The following PARD3B variants were observed in gnomAD, a reference collection of about 807,000 sequenced individuals.
The protein encoded by PARD3B is partitioning defective 3 homolog B.
Under a neutral mutation model 130.2 loss-of-function variants are expected in PARD3B, and 103 were observed. The ratio of observed to expected loss-of-function variants is 0.79; its 90% CI spans 0.67 to 0.93. PARD3B has a LOEUF of 0.93. Among genes scored for constraint, PARD3B ranks in the 40% least tolerant of loss-of-function variants. The probability of loss-of-function intolerance (pLI) is 0.00; values close to 1 mark genes in which losing one functional copy is unlikely to be tolerated. For synonymous variants in PARD3B, 583 were observed against 553.2 expected (o/e 1.05, Z -0.76); for missense variants, 1,609 against 1,499.2 (o/e 1.07, Z -1.21).
chr2:205,435,416 G>A (rs189466950), intron 19 of PARD3B, among the ~76,000 whole-genome samples: 192 of 151,700 alleles, frequency 1.3e-3, no homozygotes, highest in Non-Finnish European at 2.2e-3. Context: ...TGATACCTGG[G>A]ATCCTTTAAT....
At chr2:204,608,947 G>C (rs988689890) in intron 1 of PARD3B, among the ~76,000 whole-genome samples, 19 of 152,130 alleles carry the variant, frequency 1.2e-4, no homozygotes, top group African/African-American at 4.3e-4. Flanking sequence ...TCTCCCTGTA[G>C]CATAAATAAT....
intron 21 of PARD3B, among the ~76,000 whole-genome samples, chr2:205,522,139 CTTCA>C (rs1266241230): frequency 6.7e-6 from 1 of 148,354 alleles, no homozygotes; most frequent in East Asian, 2.0e-4. Context: ...TTTATTTTTA[CTTCA>C]TTATTTTTAC....
chr2:205,133,735 T>C (rs1445669592), intron 10 of PARD3B, among the ~76,000 whole-genome samples: 1 of 152,218 alleles, frequency 6.6e-6, no homozygotes, highest in African/African-American at 2.4e-5. Flanking sequence ...GGGCCAGTGC[T>C]GAGTGCAATG....
chr2:204,726,520 C>T (rs1270818885), intron 2 of PARD3B, among the ~76,000 whole-genome samples: 1 of 152,126 alleles, frequency 6.6e-6, no homozygotes, highest in Non-Finnish European at 1.5e-5. Flanking sequence ...GATTCTGAAA[C>T]CTCAAAGCCC....
At chr2:204,746,115 A>T (rs2040214959) in intron 2 of PARD3B, among the ~76,000 whole-genome samples, 2 of 137,502 alleles carry the variant, frequency 1.5e-5, no homozygotes, top group African/African-American at 5.4e-5. Flanking sequence ...ATATCTCCTA[A>T]TGCTATCCCT....
At chr2:204,573,738 G>C (rs2032119092) in intron 1 of PARD3B, among the ~76,000 whole-genome samples, 1 of 152,088 alleles carries the variant, frequency 6.6e-6, no homozygotes, top group Admixed American at 6.5e-5. Flanking sequence ...TTGTCCTTCT[G>C]CCTTGCTCTT....
chr2:205,163,413 G>A (rs2034621336), intron 11 of PARD3B, among the ~76,000 whole-genome samples: 1 of 152,178 alleles, frequency 6.6e-6, no homozygotes. Flanking sequence ...ATGGCTAATT[G>A]TAAATGTATG....
chr2:205,615,542 C>A lies in PARD3B; in HGVS notation c.3347C>A (p.Ala1116Asp). 6.2e-7 allele frequency: 1 copy of A among 1,614,174 alleles called. No individual in the cohort carries two copies. The highest frequency in any genetic ancestry group is 8.5e-7 in the Non-Finnish European group (1 of 1,180,002). The change falls in exon 23 of 23, where the codon GCT becomes GAT. Residue 1116 changes from alanine (A) to aspartate (D), a missense_variant. By Grantham distance (126) the Ala-to-Asp change is moderately radical. Transcript: ENST00000406610. ...AGGGAGCTTCCCTATTATCCAGGGG[C>A]TCATCCTATGCACCCTCCCAAAGGG... Reference protein sequence around the residue: ...KERELPYYPGAHPMHPPKGSY... With the variant: ...KERELPYYPGDHPMHPPKGSY...
At chr2:205,100,998 G>A (rs141207730) in intron 4 of PARD3B, among the ~76,000 whole-genome samples, 6 of 152,168 alleles carry the variant, frequency 3.9e-5, no homozygotes, top group South Asian at 4.1e-4. Flanking sequence ...ATTGGACTTC[G>A]TTAACATAAA....
rs201422555 is a variant in PARD3B at position 205,550,976 on chromosome 2, T to TACAC, written c.3181-2324_3181-2321dup. On this transcript the variant is annotated intron_variant, in intron 21 of 22. Transcript: ENST00000406610. This position sits in a 1 kb window ranked among gnomAD's most constrained non-coding sequence, Gnocchi z 4.5. The stretch of plus-strand genomic sequence containing the variant: ...ATGTGTATATATATATATATATATA[T>TACAC]ACACACACACACACACACACACACA... Among the ~76,000 whole-genome samples the TACAC allele has an allele frequency of 2.8e-4, 35 of 125,602 alleles. 1 individual carries two copies. The highest frequency in any genetic ancestry group is 9.0e-4 in the African/African-American group (29 of 32,298). The allele number at this position is 125,602 out of a possible 152,430, so 82.4% of individuals were successfully genotyped here.
chr2:205,302,310 C>T (rs540587727), intron 18 of PARD3B, among the ~76,000 whole-genome samples: 1 of 151,634 alleles, frequency 6.6e-6, no homozygotes, highest in Admixed American at 6.6e-5. Context: ...AAGTGATCTG[C>T]CTTGTCTGCC....
At chr2:204,658,707 A>C (rs1314774479) in intron 1 of PARD3B, among the ~76,000 whole-genome samples, 2 of 152,162 alleles carry the variant, frequency 1.3e-5, no homozygotes, top group African/African-American at 4.8e-5. Flanking sequence ...GATTTCTAGA[A>C]AATATGTGAA....
In PARD3B at chr2:205,558,919, C is replaced by T. The variant is rs937876154; in HGVS notation, c.3260+5516C>T. On this transcript the variant is annotated intron_variant, in intron 22 of 22. Transcript: ENST00000406610. The surrounding 1 kb of genome is among the most constrained non-coding windows in gnomAD (Gnocchi z 4.8). ...TAAAAACACCCTGAATTGGATTATT[C>T]TCCACTGCCCCTTTCCACCCCATTG... is the stretch of plus-strand genomic sequence containing the variant. Among the ~76,000 whole-genome samples, 1 of 152,194 alleles carries T rather than the reference C, an allele frequency of 6.6e-6. No individual in the cohort carries two copies. The highest frequency in any genetic ancestry group is 1.5e-5 in the Non-Finnish European group (1 of 68,028).
chr2:205,184,287 C>G (rs1057364676), intron 13 of PARD3B, among the ~76,000 whole-genome samples: 2 of 152,060 alleles, frequency 1.3e-5, no homozygotes, highest in African/African-American at 4.8e-5. Context: ...CAGCAGTTCT[C>G]AAGGGTAGAG....
chr2:205,110,641 G>GT (rs1357473438), intron 5 of PARD3B, among the ~76,000 whole-genome samples: 3 of 121,832 alleles, frequency 2.5e-5, no homozygotes, highest in Non-Finnish European at 5.4e-5. Context: ...TTTGTTTTTT[G>GT]TTTTTTTTGT....
chr2:205,347,563 G>T (rs953825437), intron 18 of PARD3B, among the ~76,000 whole-genome samples: 3 of 152,114 alleles, frequency 2.0e-5, no homozygotes, highest in Non-Finnish European at 4.4e-5. Flanking sequence ...ACAGTAGAAG[G>T]GGTGAAGTGG....
chr2:205,083,004 C>CT (rs1306354675), intron 4 of PARD3B, among the ~76,000 whole-genome samples: 1 of 150,806 alleles, frequency 6.6e-6, no homozygotes, highest in Non-Finnish European at 1.5e-5. Flanking sequence ...ACTGCAACCT[C>CT]TGCCTACTGG....
At chr2:204,974,516 A>G (rs1043605656) in intron 3 of PARD3B, among the ~76,000 whole-genome samples, 1 of 152,228 alleles carries the variant, frequency 6.6e-6, no homozygotes, top group African/African-American at 2.4e-5. Context: ...CATGGCATAG[A>G]TAGCAACAAA....
chr2:205,448,988 G>A (rs1340828937), intron 20 of PARD3B, among the ~76,000 whole-genome samples: 1 of 151,792 alleles, frequency 6.6e-6, no homozygotes, highest in Non-Finnish European at 1.5e-5. Flanking sequence ...CCAACATGGA[G>A]AAACCCCATC....
Sources: allele counts gnomAD v4.1 joint callset (sites outside exome capture counted in the v4.1 genomes callset), GRCh38; gene constraint gnomAD v4.1.1; non-coding constraint Gnocchi (gnomAD v3.1); transcripts MANE v1.5; gene names NCBI Gene and HGNC (gene_info 2026-07-23, HGNC 2026-07-21).